ZNF668: variants seen among roughly 807,000 people sequenced by gnomAD.
ZNF668 encodes the protein zinc finger protein 668.
ZNF668 carries 10 observed loss-of-function variants against 40.3 expected under a neutral mutation model. The observed-to-expected ratio is 0.25, with a 90% CI of 0.15 to 0.42. ZNF668 has a LOEUF of 0.42. Among genes scored for constraint, ZNF668 ranks in the 10% least tolerant of loss-of-function variants. The pLI is 1.00. For missense variants in ZNF668, 749 were observed against 904.6 expected (o/e 0.83, Z 2.21); for synonymous variants, 428 against 384.6 (o/e 1.11, Z -1.32).
At chr16:31,062,579 A>G in intron 2 of ZNF668, 1 of 318,924 alleles carries the variant, frequency 3.1e-6, no homozygotes, top group Non-Finnish European at 5.9e-6. Flanking sequence ...CCCGGCTAAC[A>G]CGGTGAAACC....
rs759680502 is a variant in ZNF668, at chr16:31,068,264, A to ATATATATATATATG, written c.-22-3784_-22-3783insCATATATATATATA. Among the ~76,000 whole-genome samples, 363 of 111,596 alleles carry ATATATATATATATG rather than the reference A, an allele frequency of 3.3e-3. 9 individuals are homozygous for ATATATATATATATG. Among genetic ancestry groups the ATATATATATATATG allele is most frequent in the Non-Finnish European group, 5.3e-3 (277 of 51,912 alleles). The allele number at this position is 111,596 out of a possible 152,430, so 73.2% of individuals were successfully genotyped here. A position where few individuals can be genotyped will look rare whatever the true frequency, so the allele number is the denominator to read the frequency against. On this transcript the variant is annotated intron_variant, in intron 1 of 2. Coordinates refer to ENST00000300849, the MANE Select transcript of ZNF668 (RefSeq NM_024706.5). ...AATATATATATATATATATATATAT[A>ATATATATATATATG]TAATTTTTGAGATGGAGTCTTACTC...
chr16:31,070,546 A>G (rs769335839), intron 1 of ZNF668, among the ~76,000 whole-genome samples: 8 of 149,120 alleles, frequency 5.4e-5, no homozygotes, highest in Non-Finnish European at 1.0e-4. Flanking sequence ...TTTTATTTAT[A>G]TATTTATTTT....
intron 1 of ZNF668, among the ~76,000 whole-genome samples, chr16:31,071,068 C>T (rs1024944660): frequency 3.9e-5 from 6 of 151,924 alleles, no homozygotes; most frequent in African/African-American, 1.5e-4. Context: ...GTTGGCTAGG[C>T]TGGTCTGGAA....
chr16:31,064,206 G>A lies in ZNF668; in HGVS notation c.254C>T (p.Ala85Val), dbSNP rs756378883. 1.2e-6 allele frequency: 2 copies of A among 1,612,770 alleles called. No homozygotes were observed. Among genetic ancestry groups the A allele is most frequent in the Non-Finnish European group, 1.7e-6 (2 of 1,179,992 alleles). The change falls in exon 2 of 3, where the codon GCG becomes GTG. Residue 85 changes from alanine (A) to valine (V), a missense_variant. Physicochemically the swap from Ala to Val is moderately conservative, Grantham distance 64. Transcript: ENST00000300849. ...GTAGGCCTTGGGGCATAGCGGACAC[G>A]CATAGGGCCTAGGCTTGGCCGCGGA... Reference protein sequence around the residue: ...SGSAAKPRPYACPLCPKAYKT... With the variant: ...SGSAAKPRPYVCPLCPKAYKT...
At chr16:31,070,865 T>C (rs1002076385) in intron 1 of ZNF668, among the ~76,000 whole-genome samples, 11 of 149,850 alleles carry the variant, frequency 7.3e-5, no homozygotes, top group Admixed American at 6.7e-4. Flanking sequence ...TTATTATTTA[T>C]TGTTATTATT....
At position 31,060,893 on chromosome 16, in the gene ZNF668, C is replaced by T. The variant is rs766279523; in HGVS notation, c.*175G>A. ...AATGAGTGTTACTCCTAGACAGTCA[C>T]GTCTCAGCTTCTGCCAGCCTCCACT... is the stretch of plus-strand genomic sequence containing the variant. On this transcript the variant is annotated 3_prime_UTR_variant, in exon 3 of 3. Coordinates refer to ENST00000300849, the MANE Select transcript of ZNF668 (RefSeq NM_024706.5). 8 of 690,180 alleles carry T rather than the reference C, an allele frequency of 1.2e-5. No individual in the cohort carries two copies. The highest frequency in any genetic ancestry group is 4.7e-5 in the South Asian group (1 of 21,284). The allele number at this position is 690,180 out of a possible 1,614,324, so 42.8% of individuals were successfully genotyped here.
chr16:31,064,814 A>C lies in ZNF668; in HGVS notation c.-22-333T>G, dbSNP rs187848423. On this transcript the variant is annotated intron_variant, in intron 1 of 2. Transcript: ENST00000300849. Reference sequence around the variant, plus strand: ...ATCTGTCTCACCATCTTCCTTCTTCAGCTCAGTGTCCAAGAACTATGCCAG... The same window carrying C: ...ATCTGTCTCACCATCTTCCTTCTTCCGCTCAGTGTCCAAGAACTATGCCAG... 5.1e-5 allele frequency: 74 copies of C among 1,459,286 alleles called. No individual in the cohort carries two copies. The East Asian group carries it at 1.8e-3, about 36-fold the overall frequency. 90.4% of individuals were successfully genotyped at this position (1,459,286 alleles called of 1,614,324 possible). A position where few individuals can be genotyped will look rare whatever the true frequency, so the allele number is the denominator to read the frequency against.
chr16:31,073,214 T>G (rs921525966), intron 1 of ZNF668: 1 of 152,314 alleles, frequency 6.6e-6, no homozygotes, highest in African/African-American at 2.4e-5. Context: ...GATGAGGAGA[T>G]GAACAAATGA....
At chr16:31,062,413 G>T in intron 2 of ZNF668, 133 bp from the exon 3 acceptor site, 1 of 1,282,400 alleles carries the variant, frequency 7.8e-7, no homozygotes, top group Non-Finnish European at 1.0e-6. Context: ...GAGCCACATG[G>T]CTGCACCCCA....
chr16:31,066,097 C>T (rs1279284877), intron 1 of ZNF668: 6 of 985,298 alleles, frequency 6.1e-6, no homozygotes, highest in East Asian at 1.1e-4. Context: ...AAAGTCAGCA[C>T]CCTTCTGCCT....
chr16:31,067,045 C>T (rs2056985653), intron 1 of ZNF668, among the ~76,000 whole-genome samples: 1 of 151,980 alleles, frequency 6.6e-6, no homozygotes, highest in African/African-American at 2.4e-5. Flanking sequence ...TAGCAAAATC[C>T]CATTTCTACA....
chr16:31,063,768 G>A (rs373827742), intron 2 of ZNF668, 45 bp downstream of exon 2: 27 of 1,483,666 alleles, frequency 1.8e-5, no homozygotes, highest in Non-Finnish European at 4.5e-6. Flanking sequence ...CAGCAACGCT[G>A]TCGCCCTGCC....
At chr16:31,066,151 C>T in intron 1 of ZNF668, 1 of 985,446 alleles carries the variant, frequency 1.0e-6, no homozygotes, top group Non-Finnish European at 1.2e-6. Context: ...CCTCCCCAAC[C>T]CCATGCAGCC....
Position 31,064,423 on chromosome 16 carries a change from G to A in ZNF668, c.37C>T (p.Pro13Ser), listed in dbSNP as rs751528480. The change falls in exon 2 of 3, where the codon CCC (proline) becomes TCC (serine). Residue 13 changes from proline (P) to serine (S), a missense_variant. By Grantham distance (74) the Pro-to-Ser change is moderately conservative. Around this residue, in one of 4 missense-constraint regions of ZNF668, gnomAD observed 159 missense variants for 139.8 expected, o/e 1.14. Coordinates refer to ENST00000300849, the MANE Select transcript of ZNF668 (RefSeq NM_024706.5). Reference protein sequence around the residue: ...VEAAEARSPAPGYKRSGRRYK... With the variant: ...VEAAEARSPASGYKRSGRRYK... ...CGGCGGCCCGAGCGCTTGTAGCCGG[G>A]GGCTGGGGACCGGGCCTCTGCAGCC... The A allele has an allele frequency of 1.2e-6, 2 of 1,612,676 alleles. No homozygotes were observed. Among genetic ancestry groups the A allele is most frequent in the Admixed American group, 1.7e-5 (1 of 60,024 alleles).
Position 31,061,462 on chromosome 16 carries a change from G to C in ZNF668, c.1466C>G (p.Ala489Gly). Residue 489 changes from alanine (A) to glycine (G), a missense_variant, in exon 3 of 3, where the codon GCT (alanine) becomes GGT (glycine). Physicochemically the swap from Ala to Gly is moderately conservative, Grantham distance 60. Coordinates refer to ENST00000300849, the MANE Select transcript of ZNF668 (RefSeq NM_024706.5). The surrounding 1 kb of genome is among the most constrained non-coding windows in gnomAD (Gnocchi z 7.7). The stretch of plus-strand genomic sequence containing the variant: ...GGGACCAGGAGCCTCCCGGACACCA[G>C]CATCTTGGCATTCCACATGCTCCAC... ...MTVEHVECQD[A>G]GVREAPGPLE... 2 of 1,613,696 alleles carry C rather than the reference G, an allele frequency of 1.2e-6. No homozygotes were observed. The highest frequency in any genetic ancestry group is 1.7e-6 in the Non-Finnish European group (2 of 1,179,974).
At position 31,061,834 on chromosome 16, in the gene ZNF668, C is replaced by G. The variant is rs572281111; in HGVS notation, c.1094G>C (p.Arg365Pro). 12 of 1,612,822 alleles carry G rather than the reference C, an allele frequency of 7.4e-6. No homozygotes were observed. The highest frequency in any genetic ancestry group is 5.3e-5 in the African/African-American group (4 of 74,920). ...GAAGGCTCGCCCGCACTCCTCACAG[C>G]GGAAGGGCCGCTGGCCAGAGTGCAC... ...ALVHSGQRPF[R>P]CEECGRAFAE... Residue 365 changes from arginine to proline, a missense_variant, in exon 3 of 3, where the codon CGC becomes CCC. This residue lies in a region of ZNF668 where 129 missense variants were observed against 231.2 expected (regional missense o/e 0.56). Coordinates refer to ENST00000300849, the MANE Select transcript of ZNF668 (RefSeq NM_024706.5). This position sits in a 1 kb window ranked among gnomAD's most constrained non-coding sequence, Gnocchi z 7.7.
In ZNF668 at chr16:31,061,665, A is replaced by C. The variant is rs1596750425; in HGVS notation, c.1263T>G (p.Gly421=). 1 of 1,613,010 alleles carries C rather than the reference A, an allele frequency of 6.2e-7. No homozygotes were observed. The highest frequency in any genetic ancestry group is 8.5e-7 in the Non-Finnish European group (1 of 1,179,872). Reference sequence around the variant, plus strand: ...CCACCAGCTCCTGTGCAGGGGGCACACCCGCGGCCTCACTGCTTCGATGGG... The same window carrying C: ...CCACCAGCTCCTGTGCAGGGGGCACCCCCGCGGCCTCACTGCTTCGATGGG... ...ERTHRSSEAA[G]VPPAQELVVG... Residue 421 remains glycine (G), a synonymous_variant, in exon 3 of 3, where the codon GGT becomes GGG. Coordinates refer to ENST00000300849, the MANE Select transcript of ZNF668 (RefSeq NM_024706.5). The surrounding 1 kb of genome is among the most constrained non-coding windows in gnomAD (Gnocchi z 7.7).
chr16:31,063,705 C>T, intron 2 of ZNF668, 108 bp downstream of exon 2: 1 of 1,274,870 alleles, frequency 7.8e-7, no homozygotes, highest in Non-Finnish European at 1.0e-6. Flanking sequence ...GCCATGCCCA[C>T]CTTCCCATTG....
Position 31,064,073 on chromosome 16 carries a change from CACGCGCAGGCACACGGG to C in ZNF668, c.370_386del (p.Pro124AlafsTer50), listed in dbSNP as rs753050095. The C allele has an allele frequency of 4.4e-6, 7 of 1,604,176 alleles. No individual in the cohort carries two copies. The highest frequency in any genetic ancestry group is 6.0e-6 in the Non-Finnish European group (7 of 1,175,188). ...GTTCGCCAGCGTGCGAGGCCAGGTG[CACGCGCAGGCACACGGG>C]CTGCATGAAGCGGCGGCCGCACTCG... On this transcript the variant is annotated frameshift_variant, in exon 2 of 3. Coordinates refer to ENST00000300849, the MANE Select transcript of ZNF668 (RefSeq NM_024706.5). LOFTEE classifies it high-confidence loss of function.
Sources: allele counts gnomAD v4.1 joint callset (sites outside exome capture counted in the v4.1 genomes callset), GRCh38; gene constraint gnomAD v4.1.1; regional missense constraint gnomAD v4.1.1; non-coding constraint Gnocchi (gnomAD v3.1); transcripts MANE v1.5; gene names NCBI Gene and HGNC (gene_info 2026-07-23, HGNC 2026-07-21).